ZMYND11: variants seen among roughly 807,000 people sequenced by gnomAD.
ZMYND11 encodes the protein zinc finger MYND domain-containing protein 11.
ZMYND11 carries 9 observed loss-of-function variants against 84.9 expected under a neutral mutation model. That is an observed-to-expected ratio of 0.11 (90% CI 0.06 to 0.18). The LOEUF (loss-of-function observed/expected upper bound fraction) is 0.18. ZMYND11 is among the 10% of genes least tolerant of loss of function. The pLI is 1.00. For synonymous variants in ZMYND11, 250 were observed against 244.1 expected, an observed-to-expected ratio of 1.02 and a Z score of -0.23; for missense variants, 409 against 761.0, an observed-to-expected ratio of 0.54 and a Z score of 5.44.
chr10:187,409 C>T (rs1355610186), intron 2 of ZMYND11, among the ~76,000 whole-genome samples: 6 of 151,544 alleles, frequency 4.0e-5, no homozygotes, highest in Non-Finnish European at 5.9e-5. Context: ...CCGAGGCGGG[C>T]GGATCACAAG....
At chr10:234,300 G>C (rs557431140) in intron 4 of ZMYND11, among the ~76,000 whole-genome samples, 15 of 152,244 alleles carry the variant, frequency 9.9e-5, no homozygotes, top group Non-Finnish European at 1.6e-4. Flanking sequence ...GCTGGATGCA[G>C]CCAGGCTGGT....
chr10:173,820 T>A (rs947027902), intron 1 of ZMYND11, among the ~76,000 whole-genome samples: 16 of 152,082 alleles, frequency 1.1e-4, no homozygotes, highest in African/African-American at 3.9e-4. Context: ...ATATCATATA[T>A]CATTAGGGAA....
intron 1 of ZMYND11, among the ~76,000 whole-genome samples, chr10:139,107 A>G (rs570336781): frequency 1.3e-5 from 2 of 152,208 alleles, no homozygotes; most frequent in African/African-American, 2.4e-5. Context: ...TGCCTGGCCT[A>G]TCATTACTTT....
intron 13 of ZMYND11, 81 bp downstream of exon 13, chr10:248,689 C>T (rs1952712968): frequency 6.7e-7 from 1 of 1,485,338 alleles, no homozygotes. Context: ...CATGCATCAA[C>T]CCAGTAGCAG....
chr10:223,924 C>T (rs575069559), intron 4 of ZMYND11, among the ~76,000 whole-genome samples: 4 of 151,062 alleles, frequency 2.6e-5, no homozygotes, highest in African/African-American at 4.9e-5. Flanking sequence ...ACTGTGGTTC[C>T]GAATCAGAAT....
intron 2 of ZMYND11, among the ~76,000 whole-genome samples, chr10:206,220 C>T (rs867288802): frequency 6.6e-6 from 1 of 152,102 alleles, no homozygotes; most frequent in Middle Eastern, 3.4e-3. Flanking sequence ...ATTAGCCAGG[C>T]GTGGTGGCCA....
chr10:199,324 TCCC>T, intron 2 of ZMYND11, among the ~76,000 whole-genome samples: 2 of 117,136 alleles, frequency 1.7e-5, no homozygotes, highest in African/African-American at 6.5e-5. Flanking sequence ...CCTCCCTCCC[TCCC>T]TCTCTCCCTC....
chr10:181,357 G>T (rs1230753196), intron 2 of ZMYND11, among the ~76,000 whole-genome samples: 1 of 152,200 alleles, frequency 6.6e-6, no homozygotes, highest in South Asian at 2.1e-4. Flanking sequence ...AGTGGCTCAC[G>T]CCTGTAATCC....
chr10:220,282 C>A (rs1033620060), intron 3 of ZMYND11, among the ~76,000 whole-genome samples: 1 of 152,130 alleles, frequency 6.6e-6, no homozygotes, highest in African/African-American at 2.4e-5. Context: ...TACCCTTGTT[C>A]ATTTGGTTAC....
chr10:185,361 T>G (rs944838938), intron 2 of ZMYND11, among the ~76,000 whole-genome samples: 2 of 152,030 alleles, frequency 1.3e-5, no homozygotes, highest in African/African-American at 4.8e-5. Context: ...TGTTGTACTG[T>G]GTATGTTGTC....
chr10:150,775 C>A (rs1201806873), intron 1 of ZMYND11, among the ~76,000 whole-genome samples: 3 of 152,206 alleles, frequency 2.0e-5, no homozygotes, highest in African/African-American at 4.8e-5. Flanking sequence ...TGAGAACGGA[C>A]AGACTGCCTC....
intron 3 of ZMYND11, chr10:218,605 G>T: frequency 4.7e-6 from 1 of 214,790 alleles, no homozygotes; most frequent in Non-Finnish European, 1.0e-5. Flanking sequence ...TGCTAGATTT[G>T]TTTGTTAAAA....
intron 10 of ZMYND11, chr10:244,434 G>A (rs1951699152): frequency 6.6e-6 from 1 of 152,202 alleles, no homozygotes; most frequent in African/African-American, 2.4e-5. Context: ...CAAAAGAGTC[G>A]AGTATGATTG....
intron 4 of ZMYND11, among the ~76,000 whole-genome samples, chr10:223,511 G>A (rs1947517392): frequency 6.6e-6 from 1 of 152,100 alleles, no homozygotes; most frequent in African/African-American, 2.4e-5. Context: ...TTACTGAAAT[G>A]ATGCTGTCAA....
intron 2 of ZMYND11, among the ~76,000 whole-genome samples, chr10:191,741 T>A (rs1940461678): frequency 6.6e-6 from 1 of 152,206 alleles, no homozygotes; most frequent in African/African-American, 2.4e-5. Context: ...CTGTAATTTC[T>A]CTACCCGAAT....
intron 4 of ZMYND11, among the ~76,000 whole-genome samples, chr10:233,038 G>A (rs1046082358): frequency 5.9e-5 from 9 of 152,296 alleles, no homozygotes; most frequent in African/African-American, 1.9e-4. Context: ...CTGCACCAGC[G>A]TGCGCTTGTC....
At chr10:217,173 ACT>A (rs778619289) in intron 3 of ZMYND11, among the ~76,000 whole-genome samples, 1 of 151,918 alleles carries the variant, frequency 6.6e-6, no homozygotes, top group African/African-American at 2.4e-5. Context: ...TGACTGAGCA[ACT>A]CTCTTTCTGT....
intron 2 of ZMYND11, among the ~76,000 whole-genome samples, chr10:194,122 C>G (rs766127970): frequency 3.9e-5 from 6 of 152,114 alleles, no homozygotes; most frequent in Non-Finnish European, 7.4e-5. Flanking sequence ...GTAGCTGGGA[C>G]TACAAGTGGA....
chr10:230,826 A>G (rs1948905537), intron 4 of ZMYND11, among the ~76,000 whole-genome samples: 1 of 152,234 alleles, frequency 6.6e-6, no homozygotes, highest in African/African-American at 2.4e-5. Flanking sequence ...CAATGAAGCC[A>G]GTAATGAGTG....
Sources: gnomAD v4.1 joint callset for allele counts (sites outside exome capture counted in the v4.1 genomes callset) on GRCh38, gnomAD v4.1.1 for gene constraint, MANE v1.5 for transcripts, NCBI Gene and HGNC (gene_info 2026-07-23, HGNC 2026-07-21) for gene names.